DOT1L: variants seen among roughly 807,000 people sequenced by gnomAD.
The protein encoded by DOT1L is DOT1 like histone lysine methyltransferase, also known as histone-lysine N-methyltransferase, H3 lysine-79 specific.
In DOT1L, 33 loss-of-function variants were observed where a neutral mutation model predicts 153.3. The observed-to-expected ratio is 0.22, with a 90% CI of 0.16 to 0.29. The LOEUF (loss-of-function observed/expected upper bound fraction) is 0.29. Among genes scored for constraint, DOT1L ranks in the 10% least tolerant of loss-of-function variants. DOT1L has a pLI of 1.00. For synonymous variants in DOT1L, 1,135 were observed against 965.1 expected (o/e 1.18, Z -3.26); for missense variants, 1,847 against 2,119.9 (o/e 0.87, Z 2.53).
At chr19:2,167,445 T>C (rs964526731) in intron 1 of DOT1L, among the ~76,000 whole-genome samples, 3 of 152,208 alleles carry the variant, frequency 2.0e-5, no homozygotes, top group African/African-American at 7.2e-5. Context: ...TTGTAAATAG[T>C]AAGGGCGAGA....
Position 2,226,697 on chromosome 19 carries a change from C to A in DOT1L, c.4176C>A (p.Gly1392=), listed in dbSNP as rs1478685349. ...EGSRGKEAGE[G]GLPLCGPTDK... ...GCCGCGGCAAGGAGGCAGGGGAGGG[C>A]GGCCTACCGCTGTGCGGGCCCACGG... The change falls in exon 27 of 28, where the codon GGC becomes GGA. Residue 1392 remains glycine, a synonymous_variant. Transcript: ENST00000398665. 3.2e-6 allele frequency: 5 copies of A among 1,567,730 alleles called. No homozygotes were observed. Among genetic ancestry groups the A allele is most frequent in the Non-Finnish European group, 4.3e-6 (5 of 1,161,330 alleles).
In DOT1L at chr19:2,222,606, A is replaced by C. The variant is rs746470261; in HGVS notation, c.3390+47A>C. On this transcript the variant is annotated intron_variant, in intron 24 of 27. Coordinates refer to ENST00000398665, the MANE Select transcript of DOT1L (RefSeq NM_032482.3). This position sits in a 1 kb window ranked among gnomAD's most constrained non-coding sequence, Gnocchi z 6.5. ...GCTGGGGAGCGCGGCCTGTGAAAGA[A>C]AGACCAGAGGGAGACCGGGCGCGGT... is the stretch of plus-strand genomic sequence containing the variant. 2.0e-5 allele frequency: 30 copies of C among 1,488,624 alleles called. No homozygotes were observed. Among genetic ancestry groups the C allele is most frequent in the Non-Finnish European group, 2.6e-5 (29 of 1,123,026 alleles). 92.2% of individuals were successfully genotyped at this position (1,488,624 alleles called of 1,614,324 possible). A position where few individuals can be genotyped will look rare whatever the true frequency, so the allele number is the denominator to read the frequency against.
At chr19:2,171,221 G>A (rs2021601016) in intron 1 of DOT1L, among the ~76,000 whole-genome samples, 1 of 152,178 alleles carries the variant, frequency 6.6e-6, no homozygotes, top group Non-Finnish European at 1.5e-5. Context: ...CTGTGTGGTG[G>A]GGTCTAAGGT....
intron 2 of DOT1L, among the ~76,000 whole-genome samples, chr19:2,180,992 C>T (rs1395310799): frequency 1.3e-5 from 2 of 152,212 alleles, no homozygotes; most frequent in Non-Finnish European, 2.9e-5. Flanking sequence ...CCTCCAGGGG[C>T]GTTGCCCTGC....
At position 2,230,902 on chromosome 19, in the gene DOT1L, A is replaced by G; in HGVS notation, c.*1110A>G. The G allele has an allele frequency of 3.3e-6, 1 of 299,264 alleles. No individual in the cohort carries two copies. Among genetic ancestry groups the G allele is most frequent in the Non-Finnish European group, 6.1e-6 (1 of 163,080 alleles). The allele number at this position is 299,264 out of a possible 1,614,324, so 18.5% of individuals were successfully genotyped here. ...CCTGTCAGGGCCACGCCTGGCACCC[A>G]TCCCTTGGAGCCTGTGCTGGTTCTC... On this transcript the variant is annotated 3_prime_UTR_variant, in exon 28 of 28. Transcript: ENST00000398665.
chr19:2,209,633 C>T (rs986170132), intron 12 of DOT1L, among the ~76,000 whole-genome samples: 2 of 152,264 alleles, frequency 1.3e-5, no homozygotes, highest in Admixed American at 1.3e-4. Flanking sequence ...CCACAGTGGC[C>T]GCCCTGCCCG....
At chr19:2,167,969 A>C (rs2144644629) in intron 1 of DOT1L, among the ~76,000 whole-genome samples, 1 of 152,214 alleles carries the variant, frequency 6.6e-6, no homozygotes, top group South Asian at 2.1e-4. Context: ...TCCTGACCTC[A>C]GGTGATCCGT....
In DOT1L at chr19:2,227,758, C is replaced by T. The variant is rs772595915; in HGVS notation, c.4606+631C>T. Reference sequence around the variant, plus strand: ...GCAGGTGTCTTTAACCACGCGGTGCCCTCCGCCTCTGCTCATCCGTTTGGA... The same window carrying T: ...GCAGGTGTCTTTAACCACGCGGTGCTCTCCGCCTCTGCTCATCCGTTTGGA... On this transcript the variant is annotated intron_variant, in intron 27 of 27. Transcript: ENST00000398665. 64 of 1,319,748 alleles carry T rather than the reference C, an allele frequency of 4.8e-5. No homozygotes were observed. In the Admixed American group the frequency reaches 6.3e-4, roughly 13 times the overall value. 81.8% of individuals were successfully genotyped at this position (1,319,748 alleles called of 1,614,324 possible). A position where few individuals can be genotyped will look rare whatever the true frequency, so the allele number is the denominator to read the frequency against.
At chr19:2,227,725 T>G in intron 27 of DOT1L, 1 of 1,310,872 alleles carries the variant, frequency 7.6e-7, no homozygotes, top group Non-Finnish European at 1.0e-6. Flanking sequence ...CGTTTTTCTC[T>G]CCTATTTGCA....
intron 10 of DOT1L, 118 bp downstream of exon 10, chr19:2,206,915 G>A: frequency 9.4e-7 from 1 of 1,062,688 alleles, no homozygotes; most frequent in Non-Finnish European, 1.4e-6. Flanking sequence ...CCTTCTGTGG[G>A]GTGGGGCTGT....
intron 3 of DOT1L, 119 bp downstream of exon 3, chr19:2,186,048 C>T: frequency 1.0e-6 from 1 of 996,248 alleles, no homozygotes. Flanking sequence ...CTGAAATTTC[C>T]TTTTAGAGTT....
intron 27 of DOT1L, chr19:2,228,442 A>G (rs1289412919): frequency 5.7e-6 from 7 of 1,229,498 alleles, no homozygotes; most frequent in South Asian, 1.5e-5. Context: ...TTCCTTTGGC[A>G]GAGAAGACGG....
intron 18 of DOT1L, 45 bp downstream of exon 18, chr19:2,214,031 C>A: frequency 6.3e-7 from 1 of 1,589,482 alleles, no homozygotes; most frequent in Non-Finnish European, 8.6e-7. Flanking sequence ...CCAGAGGGGC[C>A]CTGCCTGGGC....
In DOT1L at chr19:2,193,171, C is replaced by T. The variant is rs146279940; in HGVS notation, c.494-518C>T. ...GGGTTGTGTGCTGATGCTGTGAAAC[C>T]GCAGCGGCCGGGAGACTGTCCTGGC... On this transcript the variant is annotated intron_variant, in intron 5 of 27. Transcript: ENST00000398665. The surrounding 1 kb of genome is among the most constrained non-coding windows in gnomAD (Gnocchi z 5.9). Among the ~76,000 whole-genome samples the T allele has an allele frequency of 5.1e-3, 775 of 152,304 alleles. 13 individuals are homozygous for T. Among genetic ancestry groups the T allele is most frequent in the Admixed American group, 0.04 (616 of 15,286 alleles).
chr19:2,177,196 A>G (rs2021986366), intron 1 of DOT1L, among the ~76,000 whole-genome samples: 1 of 152,206 alleles, frequency 6.6e-6, no homozygotes, highest in South Asian at 2.1e-4. Flanking sequence ...TGGGCACCCG[A>G]CATGTGGCTG....
intron 27 of DOT1L, chr19:2,229,495 T>C (rs1291058336): frequency 2.0e-5 from 20 of 985,304 alleles, no homozygotes; most frequent in Non-Finnish European, 2.3e-5. Context: ...CTGGGTCTCT[T>C]AGGAGATGAG....
Position 2,214,459 on chromosome 19 carries a change from C to G in DOT1L, c.1798-12C>G. On this transcript the variant is annotated splice_polypyrimidine_tract_variant and intron_variant, in intron 18 of 27. Coordinates refer to ENST00000398665, the MANE Select transcript of DOT1L (RefSeq NM_032482.3). The stretch of plus-strand genomic sequence containing the variant: ...CCAGCCAGTCGCAACTGTCCCATCC[C>G]TATCCCCTCAGCTCAAGGCTCGCTG... 1 of 1,612,272 alleles carries G rather than the reference C, an allele frequency of 6.2e-7. No homozygotes were observed.
intron 1 of DOT1L, among the ~76,000 whole-genome samples, chr19:2,173,582 G>A (rs768808008): frequency 6.6e-5 from 10 of 152,184 alleles, no homozygotes; most frequent in Non-Finnish European, 1.5e-4. Context: ...GGAACGTGCA[G>A]ACACTCACTG....
chr19:2,211,720 C>T (rs1363238826), intron 15 of DOT1L, 31 bp from the exon 16 acceptor site: 37 of 1,537,896 alleles, frequency 2.4e-5, no homozygotes, highest in Non-Finnish European at 3.2e-5. Flanking sequence ...CAGCTGCTCT[C>T]TTCTCACCTG....
Sources: allele counts gnomAD v4.1 joint callset (sites outside exome capture counted in the v4.1 genomes callset), GRCh38; gene constraint gnomAD v4.1.1; non-coding constraint Gnocchi (gnomAD v3.1); transcripts MANE v1.5; gene names NCBI Gene and HGNC (gene_info 2026-07-23, HGNC 2026-07-21).